PPP1R9A: variants seen among roughly 807,000 people sequenced by gnomAD.
The protein encoded by PPP1R9A is neurabin-1.
In PPP1R9A, 59 loss-of-function variants were observed where a neutral mutation model predicts 141.9. The observed-to-expected ratio is 0.42, with a 90% CI of 0.34 to 0.52. The LOEUF (loss-of-function observed/expected upper bound fraction) is 0.52. PPP1R9A is among the 20% of genes least tolerant of loss of function. The pLI, the probability that PPP1R9A is intolerant of heterozygous loss-of-function variation, is 0.10. For missense variants in PPP1R9A, 1,444 were observed against 1,611.9 expected, an observed-to-expected ratio of 0.90 and a Z score of 1.78; for synonymous variants, 500 against 569.7, an observed-to-expected ratio of 0.88 and a Z score of 1.74.
intron 2 of PPP1R9A, among the ~76,000 whole-genome samples, chr7:95,053,252 A>C (rs192140841): frequency 1.7e-4 from 26 of 152,340 alleles, no homozygotes; most frequent in African/African-American, 5.5e-4. Flanking sequence ...CATAAAATCA[A>C]ATCTGAAGGA....
At chr7:95,207,174 A>G (rs1790988148) in intron 7 of PPP1R9A, among the ~76,000 whole-genome samples, 1 of 152,130 alleles carries the variant, frequency 6.6e-6, no homozygotes, top group South Asian at 2.1e-4. Context: ...GCAGGAAAAT[A>G]AAGCACCATG....
chr7:95,039,749 A>G (rs1291650050), intron 2 of PPP1R9A, among the ~76,000 whole-genome samples: 5 of 152,072 alleles, frequency 3.3e-5, no homozygotes, highest in Non-Finnish European at 5.9e-5. Context: ...AAAAATCAGA[A>G]TAGAGCATCT....
rs1563341574 is a variant in PPP1R9A, at chr7:95,165,077, T to C, written c.1754+3106T>C. ...AATATCAATTCTTCAATGAATGAGCTTTTCTCATATTTATGTTGTCCAAAC... is the reference window on the plus strand; with the variant it reads ...AATATCAATTCTTCAATGAATGAGCCTTTCTCATATTTATGTTGTCCAAAC... On this transcript the variant is annotated intron_variant, in intron 5 of 19. Transcript: ENST00000433360. Among the ~76,000 whole-genome samples, 3 of 152,322 alleles carry C rather than the reference T, an allele frequency of 2.0e-5. No individual in the cohort carries two copies. The South Asian group carries it at 6.2e-4, about 32-fold the overall frequency.
At chr7:95,186,573 G>A (rs1259764305) in intron 5 of PPP1R9A, among the ~76,000 whole-genome samples, 1 of 152,118 alleles carries the variant, frequency 6.6e-6, no homozygotes, top group African/African-American at 2.4e-5. Context: ...AGTGGTCAAA[G>A]TGGGCATCTT....
At chr7:95,004,381 A>T (rs1216077918) in intron 2 of PPP1R9A, among the ~76,000 whole-genome samples, 1 of 152,150 alleles carries the variant, frequency 6.6e-6, no homozygotes, top group East Asian at 1.9e-4. Context: ...CACCTAGGTT[A>T]CATTTGGCCT....
At chr7:94,940,151 C>T (rs2150936404) in intron 2 of PPP1R9A, among the ~76,000 whole-genome samples, 1 of 152,142 alleles carries the variant, frequency 6.6e-6, no homozygotes, top group Admixed American at 6.5e-5. Context: ...ATGTGTCATG[C>T]TCTAGGCTAA....
chr7:95,007,210 G>A (rs972368208), intron 2 of PPP1R9A, among the ~76,000 whole-genome samples: 3 of 152,144 alleles, frequency 2.0e-5, no homozygotes, highest in Non-Finnish European at 4.4e-5. Context: ...CCTCATTGGA[G>A]TACAGAGTTT....
At chr7:94,971,088 A>G (rs1403254672) in intron 2 of PPP1R9A, among the ~76,000 whole-genome samples, 1 of 152,122 alleles carries the variant, frequency 6.6e-6, no homozygotes, top group African/African-American at 2.4e-5. Context: ...GTCTAGTAGG[A>G]GAGAGGGGAA....
At chr7:95,288,862 TTC>T in intron 19 of PPP1R9A, 144 bp downstream of exon 19, 1 of 1,132,312 alleles carries the variant, frequency 8.8e-7, no homozygotes, top group Non-Finnish European at 1.2e-6. Flanking sequence ...GTTGAATTCT[TTC>T]TGAGTAGTAA....
At chr7:95,213,940 T>C (rs1170647219) in intron 7 of PPP1R9A, among the ~76,000 whole-genome samples, 1 of 152,186 alleles carries the variant, frequency 6.6e-6, no homozygotes, top group African/African-American at 2.4e-5. Context: ...GTGATAATGT[T>C]GCTAAGCTTT....
intron 2 of PPP1R9A, among the ~76,000 whole-genome samples, chr7:95,081,059 A>G (rs929330472): frequency 1.3e-5 from 2 of 152,226 alleles, no homozygotes; most frequent in Non-Finnish European, 2.9e-5. Context: ...AGAATCAATT[A>G]ATTCAGAAGG....
Position 95,284,098 on chromosome 7 carries a change from C to A in PPP1R9A, c.3377C>A (p.Pro1126His), listed in dbSNP as rs1804810980. Reference sequence around the variant, plus strand: ...ACCTCCACTCGTTCCCCTTGCATGCCTTTCTCATGGTTTAATGACAGCCGG... The same window carrying A: ...ACCTCCACTCGTTCCCCTTGCATGCATTTCTCATGGTTTAATGACAGCCGG... ...AQTSTRSPCM[P>H]FSWFNDSRKG... The change falls in exon 17 of 20, where the codon CCT (proline) becomes CAT (histidine). Residue 1126 changes from proline (P) to histidine (H), a missense_variant. Pro to His is a moderately conservative substitution (Grantham distance 77). Transcript: ENST00000433360. The A allele has an allele frequency of 6.3e-7, 1 of 1,595,140 alleles. No individual in the cohort carries two copies. Among genetic ancestry groups the A allele is most frequent in the South Asian group, 1.1e-5 (1 of 91,000 alleles).
At chr7:95,021,247 G>T (rs1260202421) in intron 2 of PPP1R9A, among the ~76,000 whole-genome samples, 1 of 150,912 alleles carries the variant, frequency 6.6e-6, no homozygotes, top group Non-Finnish European at 1.5e-5. Flanking sequence ...ATTTTTTCAT[G>T]TTTGTTGGCC....
At chr7:94,998,123 A>C (rs769350337) in intron 2 of PPP1R9A, among the ~76,000 whole-genome samples, 3 of 152,150 alleles carry the variant, frequency 2.0e-5, no homozygotes, top group Non-Finnish European at 4.4e-5. Flanking sequence ...ATATAACCTG[A>C]GGTTGTTTAT....
intron 7 of PPP1R9A, among the ~76,000 whole-genome samples, chr7:95,211,797 G>A (rs948894836): frequency 2.0e-5 from 3 of 152,076 alleles, no homozygotes; most frequent in African/African-American, 4.8e-5. Context: ...GACCAGCCTG[G>A]ACAACATAGC....
At chr7:95,232,899 G>A (rs561936277) in intron 8 of PPP1R9A, among the ~76,000 whole-genome samples, 27 of 152,274 alleles carry the variant, frequency 1.8e-4, no homozygotes, top group Admixed American at 8.5e-4. Context: ...GGAGAAATAG[G>A]AATGCTTTTA....
intron 2 of PPP1R9A, among the ~76,000 whole-genome samples, chr7:95,062,790 TAA>T (rs915356096): frequency 1.3e-5 from 2 of 149,634 alleles, no homozygotes; most frequent in South Asian, 4.2e-4. Context: ...TTCTATGTTT[TAA>T]AAAAAAAATA....
chr7:95,268,443 T>A, intron 12 of PPP1R9A, 107 bp from the exon 13 acceptor site: 1 of 1,280,622 alleles, frequency 7.8e-7, no homozygotes, highest in Non-Finnish European at 1.1e-6. Flanking sequence ...GGTCACCTGA[T>A]CCTTACCTGA....
chr7:95,102,203 C>A (rs1374751657), intron 2 of PPP1R9A, among the ~76,000 whole-genome samples: 2 of 152,098 alleles, frequency 1.3e-5, no homozygotes, highest in Non-Finnish European at 2.9e-5. Flanking sequence ...ATAATAATAT[C>A]TTCTAGATAG....
Sources: allele counts gnomAD v4.1 joint callset (sites outside exome capture counted in the v4.1 genomes callset), GRCh38; gene constraint gnomAD v4.1.1; transcripts MANE v1.5; gene names NCBI Gene and HGNC (gene_info 2026-07-23, HGNC 2026-07-21).